Variants in ZNF469 observed in about 807,000 individuals in gnomAD.
ZNF469 encodes the protein zinc finger protein 469.
Under a neutral mutation model 1.0 loss-of-function variants are expected in ZNF469, and 1 was observed. The observed-to-expected ratio is 1.00, with a 90% CI of 0.35 to 4.73. The LOEUF is 4.73. ZNF469 is among the 30% of genes most tolerant of loss of function. The pLI is 0.16. For missense variants in ZNF469, 6,100 were observed against 5,356.3 expected, an observed-to-expected ratio of 1.14 and a Z score of -4.33; for synonymous variants, 2,703 against 2,363.4, an observed-to-expected ratio of 1.14 and a Z score of -4.17.
chr16:88,360,476 C>G, the ZNF469 span, among the ~76,000 whole-genome samples: 1 of 151,540 alleles, frequency 6.6e-6, no homozygotes, highest in Non-Finnish European at 1.5e-5. Context: ...GCAGTCCACC[C>G]CCAGACAGCG....
rs772172396 is a variant in ZNF469 at position 88,434,482 on chromosome 16, G to A, written c.7012G>A (p.Gly2338Ser). The A allele has an allele frequency of 1.2e-5, 18 of 1,549,910 alleles. No homozygotes were observed. Among genetic ancestry groups the A allele is most frequent in the African/African-American group, 2.7e-5 (2 of 73,036 alleles). ...SYSPSNTARL[G>S]HREGQAVTAV... Reference sequence around the variant, plus strand: ...TTCTCCAAGCAATACTGCCCGCCTCGGCCACAGGGAGGGCCAGGCTGTCAC... The same window carrying A: ...TTCTCCAAGCAATACTGCCCGCCTCAGCCACAGGGAGGGCCAGGCTGTCAC... The change falls in exon 3 of 3, where the codon GGC becomes AGC. Residue 2338 changes from glycine to serine, a missense_variant. By Grantham distance (56) the Gly-to-Ser change is moderately conservative. Coordinates refer to ENST00000565624, the MANE Select transcript of ZNF469 (RefSeq NM_001367624.2).
Position 88,424,996 on chromosome 16 carries a change from C to T in ZNF469, c.-127+125C>T, listed in dbSNP as rs576997101. On this transcript the variant is annotated intron_variant, in intron 2 of 2. Coordinates refer to ENST00000565624, the MANE Select transcript of ZNF469 (RefSeq NM_001367624.2). This position sits in a 1 kb window ranked among gnomAD's most constrained non-coding sequence, Gnocchi z 4.3. ...CCTCTCAGGACAGTAACCGGGCCTG[C>T]CTACTGCCTCCCGAGAGCCGACTCC... Among the ~76,000 whole-genome samples, 49 of 152,138 alleles carry T rather than the reference C, an allele frequency of 3.2e-4. No homozygotes were observed. Among genetic ancestry groups the T allele is most frequent in the Non-Finnish European group, 5.7e-4 (39 of 67,996 alleles).
chr16:88,291,349 G>A, the ZNF469 span, among the ~76,000 whole-genome samples: 36 of 152,300 alleles, frequency 2.4e-4, no homozygotes, highest in Admixed American at 1.4e-3. Flanking sequence ...AAGGGCACTT[G>A]CTGAATTTTG....
At chr16:88,215,710 T>TA in the ZNF469 span, among the ~76,000 whole-genome samples, 228 of 151,434 alleles carry the variant, frequency 1.5e-3, 5 homozygotes, top group Admixed American at 0.011. Context: ...TTTAAATCAA[T>TA]AAAAAAAAAT....
At chr16:88,136,176 A>C in the ZNF469 span, among the ~76,000 whole-genome samples, 5 of 152,174 alleles carry the variant, frequency 3.3e-5, no homozygotes, top group Non-Finnish European at 1.5e-5. Context: ...GTGAAATTCA[A>C]GGCACTGCTG....
the ZNF469 span, among the ~76,000 whole-genome samples, chr16:88,127,567 G>A: frequency 8.5e-5 from 13 of 152,126 alleles, no homozygotes; most frequent in African/African-American, 1.2e-4. Context: ...GGAGGAGGGC[G>A]GTATTCAGAT....
the ZNF469 span, among the ~76,000 whole-genome samples, chr16:88,375,921 C>T: frequency 5.9e-5 from 9 of 152,376 alleles, no homozygotes; most frequent in African/African-American, 1.9e-4. Flanking sequence ...AGCTGGCTGA[C>T]GTGTGGGCCG....
chr16:88,136,427 G>A, the ZNF469 span, among the ~76,000 whole-genome samples: 1 of 152,234 alleles, frequency 6.6e-6, no homozygotes. Context: ...AGCCGTCTCC[G>A]GCTTGGCCAG....
the ZNF469 span, among the ~76,000 whole-genome samples, chr16:88,231,652 T>C: frequency 3.9e-5 from 6 of 152,106 alleles, no homozygotes; most frequent in Non-Finnish European, 2.9e-5. This position sits in a 1 kb window ranked among gnomAD's most constrained non-coding sequence, Gnocchi z 4.5. Flanking sequence ...CAGCGCAGCC[T>C]CTTTCCATTT....
the ZNF469 span, among the ~76,000 whole-genome samples, chr16:88,374,666 C>G: frequency 6.7e-6 from 1 of 148,750 alleles, no homozygotes; most frequent in South Asian, 2.1e-4. Context: ...TCACACTAAC[C>G]CAGAGTTTCA....
chr16:88,248,603 G>A, the ZNF469 span, among the ~76,000 whole-genome samples: 1 of 152,182 alleles, frequency 6.6e-6, no homozygotes, highest in East Asian at 1.9e-4. Context: ...TGCTATAATA[G>A]TACCATGAGA....
the ZNF469 span, among the ~76,000 whole-genome samples, chr16:88,329,163 A>G: frequency 2.6e-5 from 4 of 152,146 alleles, no homozygotes; most frequent in African/African-American, 9.7e-5. Context: ...ACAGGGAGCC[A>G]CAGAAGGTTC....
At position 88,418,326 on chromosome 16, in the gene ZNF469, G is replaced by A. The variant is rs371903257; in HGVS notation, c.-191-6481G>A. ...GCTGAAGGCCCATCTCGGTGAGGCC[G>A]TGGAGGGTTGTCTAGGAGACTGAGC... is the stretch of plus-strand genomic sequence containing the variant. On this transcript the variant is annotated intron_variant, in intron 1 of 2. Coordinates refer to ENST00000565624, the MANE Select transcript of ZNF469 (RefSeq NM_001367624.2). Among the ~76,000 whole-genome samples the A allele has an allele frequency of 5.7e-4, 86 of 151,982 alleles. 3 individuals carry two copies. The South Asian group carries it at 0.017, about 30-fold the overall frequency.
Position 88,404,305 on chromosome 16 carries a change from G to A in ZNF469, c.-191-20502G>A, listed in dbSNP as rs372619683. On this transcript the variant is annotated intron_variant, in intron 1 of 2. Coordinates refer to ENST00000565624, the MANE Select transcript of ZNF469 (RefSeq NM_001367624.2). ...TTCTAGATACCAGGTCATTTCGCCTGTAAGGACTTCAGCAAGAGCCACAGC... is the reference window on the plus strand; with the variant it reads ...TTCTAGATACCAGGTCATTTCGCCTATAAGGACTTCAGCAAGAGCCACAGC... 2.0e-4 allele frequency among the ~76,000 whole-genome samples: 30 copies of A among 152,362 alleles called. No homozygotes were observed. The East Asian group carries it at 5.6e-3, about 28-fold the overall frequency.
rs558239527 is a variant in ZNF469 at position 88,388,076 on chromosome 16, T to C, written c.-192+4822T>C. Among the ~76,000 whole-genome samples the C allele has an allele frequency of 2.2e-3, 329 of 152,208 alleles. 3 individuals are homozygous for C. The highest frequency in any genetic ancestry group is 7.5e-3 in the African/African-American group (311 of 41,518). ...CTGGAGTCTCTTTACAACCCCAGAG[T>C]GGCTGCAGAGGGGCTCCCCAGAGAG... On this transcript the variant is annotated intron_variant, in intron 1 of 2. Coordinates refer to ENST00000565624, the MANE Select transcript of ZNF469 (RefSeq NM_001367624.2).
chr16:88,251,434 T>C, the ZNF469 span, among the ~76,000 whole-genome samples: 2 of 151,614 alleles, frequency 1.3e-5, no homozygotes, highest in African/African-American at 4.9e-5. Context: ...ATCTGTTGTG[T>C]TCTTCTGAAG....
chr16:88,140,805 C>A, the ZNF469 span, among the ~76,000 whole-genome samples: 9,776 of 152,102 alleles, frequency 0.064, 1,048 homozygotes, highest in African/African-American at 0.22. Flanking sequence ...TGGTGGCGGG[C>A]GCCTATAATC....
chr16:88,135,570 G>A, the ZNF469 span, among the ~76,000 whole-genome samples: 12 of 152,180 alleles, frequency 7.9e-5, no homozygotes, highest in Admixed American at 2.6e-4. Flanking sequence ...GGCCCCGCAC[G>A]TTAGCTGTTG....
chr16:88,314,376 CTGGTGT>C, the ZNF469 span, among the ~76,000 whole-genome samples: 1 of 140,502 alleles, frequency 7.1e-6, no homozygotes, highest in East Asian at 2.2e-4. Flanking sequence ...TAAGATGATG[CTGGTGT>C]AGAATATCTC....
Sources: gnomAD v4.1 joint callset for allele counts (sites outside exome capture counted in the v4.1 genomes callset) on GRCh38, gnomAD v4.1.1 for gene constraint, Gnocchi (gnomAD v3.1) non-coding constraint, MANE v1.5 for transcripts, NCBI Gene and HGNC (gene_info 2026-07-23, HGNC 2026-07-21) for gene names.